Variants in TBC1D22A observed in about 807,000 individuals in gnomAD.
TBC1D22A encodes putative GTPase activator.
TBC1D22A carries 38 observed loss-of-function variants against 60.2 expected under a neutral mutation model. That is an observed-to-expected ratio of 0.63 (90% CI 0.49 to 0.83). The LOEUF (loss-of-function observed/expected upper bound fraction) is 0.83, where lower values mean the gene tolerates loss of function less well. Among genes scored for constraint, TBC1D22A ranks in the 40% least tolerant of loss-of-function variants. TBC1D22A has a pLI of 0.00. For synonymous variants in TBC1D22A, 302 were observed against 281.7 expected, an observed-to-expected ratio of 1.07 and a Z score of -0.72; for missense variants, 628 against 701.0, an observed-to-expected ratio of 0.90 and a Z score of 1.18.
At chr22:47,046,321 G>T (rs115520167) in intron 11 of TBC1D22A, among the ~76,000 whole-genome samples, 2,771 of 152,284 alleles carry the variant, frequency 0.018, 72 homozygotes, top group African/African-American at 0.055. Flanking sequence ...TTGCCCTCGT[G>T]GGGGCATCTG....
At chr22:47,065,657 G>GGACTTAGCAGGCCTCGGCGTT (rs1556045879) in intron 11 of TBC1D22A, among the ~76,000 whole-genome samples, 1 of 150,528 alleles carries the variant, frequency 6.6e-6, no homozygotes, top group African/African-American at 2.5e-5. Context: ...GTTGGATTGA[G>GGACTTAGCAGGCCTCGGCGTT]GGAGACCTGC....
intron 4 of TBC1D22A, among the ~76,000 whole-genome samples, chr22:46,824,372 A>C (rs2147113711): frequency 6.6e-6 from 1 of 152,318 alleles, no homozygotes; most frequent in South Asian, 2.1e-4. Flanking sequence ...ATTTGGGGGC[A>C]CATAACCCTC....
chr22:46,853,406 G>T lies in TBC1D22A; in HGVS notation c.638-25247G>T, dbSNP rs187490293. ...TGGAAGGATGGGCGCAGGAAATCTT[G>T]AACATTTGAAAAAAATGTCCTTTAC... On this transcript the variant is annotated intron_variant, in intron 4 of 12. Transcript: ENST00000337137. Among the ~76,000 whole-genome samples, 251 of 152,226 alleles carry T rather than the reference G, an allele frequency of 1.6e-3. 1 individual carries two copies. Among genetic ancestry groups the T allele is most frequent in the South Asian group, 5.2e-3 (25 of 4,824 alleles).
chr22:46,902,145 G>A (rs1183829116), intron 7 of TBC1D22A, among the ~76,000 whole-genome samples: 1 of 152,230 alleles, frequency 6.6e-6, no homozygotes, highest in Admixed American at 6.5e-5. Flanking sequence ...GGAGCCTTCT[G>A]TGGGAGAGTG....
At position 46,943,831 on chromosome 22, in the gene TBC1D22A, T is replaced by C. The variant is rs529613894; in HGVS notation, c.1016-30459T>C. On this transcript the variant is annotated intron_variant, in intron 8 of 12. Coordinates refer to ENST00000337137, the MANE Select transcript of TBC1D22A (RefSeq NM_014346.5). ...CGGCATGTGGCCTTTTTTGATTGGC[T>C]TCTTTCATTGACCGTAATGTTTTTG... is the stretch of plus-strand genomic sequence containing the variant. Among the ~76,000 whole-genome samples, 10 of 152,376 alleles carry C rather than the reference T, an allele frequency of 6.6e-5. No individual in the cohort carries two copies. The South Asian group carries it at 2.1e-3, about 32-fold the overall frequency.
chr22:46,802,068 A>G (rs1045457824), intron 4 of TBC1D22A, among the ~76,000 whole-genome samples: 4 of 152,344 alleles, frequency 2.6e-5, no homozygotes, highest in African/African-American at 9.6e-5. Flanking sequence ...TTACTCATGA[A>G]GTGGCTCAAC....
chr22:46,791,007 C>T (rs1344770280), intron 1 of TBC1D22A, among the ~76,000 whole-genome samples: 1 of 152,170 alleles, frequency 6.6e-6, no homozygotes, highest in Admixed American at 6.5e-5. Flanking sequence ...ACTGCAACCT[C>T]CACCTCCCAG....
rs752916321 is a variant in TBC1D22A, at chr22:46,762,835, A to G, written c.49A>G (p.Lys17Glu). Reference protein sequence around the residue: ...RKQFWKRSNSKLPGSIQHVYG... With the variant: ...RKQFWKRSNSELPGSIQHVYG... The stretch of plus-strand genomic sequence containing the variant: ...GCAATTCTGGAAGCGCAGCAACAGC[A>G]AGCTCCCGGGCAGGTGGGTGTGCCG... The change falls in exon 1 of 13, where the codon AAG becomes GAG. Residue 17 changes from lysine (K) to glutamate (E), a missense_variant. Transcript: ENST00000337137. 1 of 1,463,290 alleles carries G rather than the reference A, an allele frequency of 6.8e-7. No individual in the cohort carries two copies. The highest frequency in any genetic ancestry group is 9.0e-7 in the Non-Finnish European group (1 of 1,114,288). The allele number at this position is 1,463,290 out of a possible 1,614,324, so 90.6% of individuals were successfully genotyped here. A position where few individuals can be genotyped will look rare whatever the true frequency, so the allele number is the denominator to read the frequency against.
chr22:47,006,102 G>A (rs577708073), intron 10 of TBC1D22A, among the ~76,000 whole-genome samples: 1 of 152,150 alleles, frequency 6.6e-6, no homozygotes, highest in Non-Finnish European at 1.5e-5. Flanking sequence ...CATTGGCATG[G>A]TCACTGTGTT....
intron 11 of TBC1D22A, among the ~76,000 whole-genome samples, chr22:47,063,010 C>A (rs2063631737): frequency 6.6e-6 from 1 of 152,116 alleles, no homozygotes; most frequent in Non-Finnish European, 1.5e-5. Context: ...GAGAAGGTGC[C>A]ACTGTGGTGA....
In TBC1D22A at chr22:47,118,297, A is replaced by G. The variant is rs1205593048; in HGVS notation, c.1425+6694A>G. Among the ~76,000 whole-genome samples the G allele has an allele frequency of 2.0e-5, 3 of 152,222 alleles. No homozygotes were observed. In the East Asian group the frequency reaches 5.8e-4, roughly 29 times the overall value. On this transcript the variant is annotated intron_variant, in intron 12 of 12. Coordinates refer to ENST00000337137, the MANE Select transcript of TBC1D22A (RefSeq NM_014346.5). ...CCTAGGCCATAAACATTTCCAAAAT[A>G]AAAAAACAGCAATGACATAAACTTT...
intron 7 of TBC1D22A, among the ~76,000 whole-genome samples, chr22:46,909,391 C>A (rs1197810979): frequency 6.6e-6 from 1 of 152,204 alleles, no homozygotes; most frequent in Non-Finnish European, 1.5e-5. Flanking sequence ...TTGACTCCCT[C>A]TGTCCAGGGT....
rs532510791 is a variant in TBC1D22A, at chr22:47,115,620, G to A, written c.1425+4017G>A. Among the ~76,000 whole-genome samples, 27 of 152,304 alleles carry A rather than the reference G, an allele frequency of 1.8e-4. No homozygotes were observed. The South Asian group carries it at 5.4e-3, about 30-fold the overall frequency. On this transcript the variant is annotated intron_variant, in intron 12 of 12. Coordinates refer to ENST00000337137, the MANE Select transcript of TBC1D22A (RefSeq NM_014346.5). ...CATTTCACAGTAAGAGGACACTGGG[G>A]CCCAGCAGGGGTGAGGCGAGCAGGG...
At chr22:46,996,521 T>G (rs961733553) in intron 9 of TBC1D22A, among the ~76,000 whole-genome samples, 3 of 152,222 alleles carry the variant, frequency 2.0e-5, no homozygotes, top group African/African-American at 7.2e-5. Context: ...TGGTTCCCCT[T>G]GCCATGTAAG....
At chr22:47,159,147 CAT>C (rs576529856) in intron 12 of TBC1D22A, among the ~76,000 whole-genome samples, 339 of 151,326 alleles carry the variant, frequency 2.2e-3, no homozygotes, top group African/African-American at 8.0e-3. Context: ...TGTGTACACA[CAT>C]CACACACACC....
chr22:47,055,226 T>G (rs576154148), intron 11 of TBC1D22A, among the ~76,000 whole-genome samples: 35 of 152,244 alleles, frequency 2.3e-4, no homozygotes, highest in Non-Finnish European at 4.6e-4. Flanking sequence ...CTTTCTCTTT[T>G]GTTGCCATTC....
At chr22:47,172,028 A>G (rs2068489801) in intron 12 of TBC1D22A, among the ~76,000 whole-genome samples, 1 of 81,132 alleles carries the variant, frequency 1.2e-5, no homozygotes, top group African/African-American at 4.6e-5. Context: ...CAGCACTCCC[A>G]GTGAGCCTAC....
chr22:47,130,322 C>T (rs561937829), intron 12 of TBC1D22A, among the ~76,000 whole-genome samples: 91 of 152,286 alleles, frequency 6.0e-4, no homozygotes, highest in African/African-American at 1.7e-3. Flanking sequence ...CCCCTCCTGC[C>T]GGGCTCCCCC....
intron 8 of TBC1D22A, among the ~76,000 whole-genome samples, chr22:46,938,620 C>T (rs1458206069): frequency 4.9e-5 from 7 of 143,598 alleles, no homozygotes; most frequent in African/African-American, 1.8e-4. Flanking sequence ...GAGTCTTGCT[C>T]TGTTGCCCAG....
Sources: gnomAD v4.1 joint callset for allele counts (sites outside exome capture counted in the v4.1 genomes callset) on GRCh38, gnomAD v4.1.1 for gene constraint, MANE v1.5 for transcripts, NCBI Gene and HGNC (gene_info 2026-07-23, HGNC 2026-07-21) for gene names.